Variants in FCER1A observed in about 807,000 individuals in gnomAD.
FCER1A encodes high affinity immunoglobulin epsilon receptor subunit alpha.
Under a neutral mutation model 23.6 loss-of-function variants are expected in FCER1A, and 24 were observed. The ratio of observed to expected loss-of-function variants is 1.02; its 90% CI spans 0.74 to 1.43. FCER1A has a LOEUF of 1.43. Ranked by LOEUF, FCER1A falls within the 40% of genes most tolerant of loss-of-function variation. The pLI is 0.00. For missense variants in FCER1A, 318 were observed against 294.5 expected, an observed-to-expected ratio of 1.08 and a Z score of -0.58; for synonymous variants, 121 against 108.8, an observed-to-expected ratio of 1.11 and a Z score of -0.70.
chr1:159,298,812 C>T (rs1652358355), upstream of FCER1A, among the ~76,000 whole-genome samples: 1 of 152,170 alleles, frequency 6.6e-6, no homozygotes, highest in African/African-American at 2.4e-5. Flanking sequence ...AGAAAGGGAA[C>T]TTATAGAACA....
chr1:159,307,732 CTG>C lies in FCER1A; in HGVS notation c.590-12_590-11del. On this transcript the variant is annotated splice_polypyrimidine_tract_variant and intron_variant, in intron 4 of 4. Coordinates refer to ENST00000693622, the MANE Select transcript of FCER1A (RefSeq NM_001387280.1). The stretch of plus-strand genomic sequence containing the variant: ...AGATGAATTATGTTTCTCATTGCAT[CTG>C]TGTTCCACTACAGCTCCGCGTGAGA... 1 of 1,559,578 alleles carries C rather than the reference CTG, an allele frequency of 6.4e-7. No individual in the cohort carries two copies. The highest frequency in any genetic ancestry group is 1.7e-4 in the Middle Eastern group (1 of 5,886).
intron 4 of FCER1A, 24 bp downstream of exon 4, chr1:159,306,269 A>G (rs761368735): frequency 7.5e-6 from 12 of 1,606,924 alleles, no homozygotes; most frequent in Non-Finnish European, 1.0e-5. Flanking sequence ...GGAAAGGAAA[A>G]GCATCCATAG....
At chr1:159,300,161 A>G (rs941469812), upstream of FCER1A, among the ~76,000 whole-genome samples, 2 of 152,152 alleles carry the variant, frequency 1.3e-5, no homozygotes, top group Non-Finnish European at 2.9e-5. Context: ...TTAGAAATGA[A>G]AGTGGCCTCC....
At position 159,304,058 on chromosome 1, in the gene FCER1A, C is replaced by A. The variant is rs776310454; in HGVS notation, c.207C>A (p.Ser69Arg). The A allele has an allele frequency of 7.4e-6, 12 of 1,613,980 alleles. No homozygotes were observed. The highest frequency in any genetic ancestry group is 2.2e-5 in the East Asian group (1 of 44,890). The change falls in exon 3 of 5, where the codon AGC (serine) becomes AGA (arginine). Residue 69 changes from serine to arginine, a missense_variant. Transcript: ENST00000693622. Reference protein sequence around the residue: ...VSSTKWFHNGSLSEETNSSLN... With the variant: ...VSSTKWFHNGRLSEETNSSLN... ...CCACCAAATGGTTCCACAATGGCAG[C>A]CTTTCAGAAGAGACAAATTCAAGTT...
At chr1:159,294,544 A>G (rs189931305) in intron 1 of FCER1A, among the ~76,000 whole-genome samples, 92 of 152,264 alleles carry the variant, frequency 6.0e-4, no homozygotes, top group Admixed American at 6.0e-3. Flanking sequence ...AACGTTAGTC[A>G]CAAGCTGTCA....
chr1:159,298,048 G>A (rs1163806179), upstream of FCER1A, among the ~76,000 whole-genome samples: 1 of 152,114 alleles, frequency 6.6e-6, no homozygotes, highest in Non-Finnish European at 1.5e-5. Flanking sequence ...TGGGCTTCTT[G>A]GCTGAAATAT....
In FCER1A at chr1:159,302,840, C is replaced by T; in HGVS notation, c.56-14C>T. 1 of 1,613,486 alleles carries T rather than the reference C, an allele frequency of 6.2e-7. No homozygotes were observed. On this transcript the variant is annotated splice_polypyrimidine_tract_variant and intron_variant, in intron 1 of 4. Transcript: ENST00000693622. ...ACTGCTGGACACTAATGTATCCTCT[C>T]TGGACTTTTGCAGCTCCAGATGGCG...
At chr1:159,298,020 G>A (rs1252087971), upstream of FCER1A, among the ~76,000 whole-genome samples, 1 of 152,132 alleles carries the variant, frequency 6.6e-6, no homozygotes, top group Admixed American at 6.5e-5. Flanking sequence ...AAGACATGAA[G>A]GTAAGTTTGA....
chr1:159,300,100 G>A (rs1047170265), upstream of FCER1A, among the ~76,000 whole-genome samples: 2 of 151,838 alleles, frequency 1.3e-5, no homozygotes, highest in South Asian at 2.1e-4. Context: ...TTTCAATACC[G>A]GGCACTTAAG....
intron 1 of FCER1A, among the ~76,000 whole-genome samples, chr1:159,292,431 A>C (rs1284854539): frequency 1.3e-5 from 2 of 152,108 alleles, no homozygotes; most frequent in Non-Finnish European, 2.9e-5. Flanking sequence ...GAAATTTAAG[A>C]ATCATATTTT....
Position 159,306,132 on chromosome 1 carries a change from A to G in FCER1A, c.476A>G (p.His159Arg). 6.2e-7 allele frequency: 1 copy of G among 1,614,178 alleles called. No individual in the cohort carries two copies. Among genetic ancestry groups the G allele is most frequent in the Non-Finnish European group, 8.5e-7 (1 of 1,180,020 alleles). ...GCTCTCAAGTACTGGTATGAGAACC[A>G]CAACATCTCCATTACAAATGCCACA... ...GEALKYWYENHNISITNATVE... is the reference protein window; with the variant it reads ...GEALKYWYENRNISITNATVE... The change falls in exon 4 of 5, where the codon CAC becomes CGC. Residue 159 changes from histidine to arginine, a missense_variant. Transcript: ENST00000693622.
chr1:159,291,477 C>T (rs1030914634), intron 1 of FCER1A, among the ~76,000 whole-genome samples: 3 of 152,066 alleles, frequency 2.0e-5, no homozygotes, highest in Non-Finnish European at 2.9e-5. Flanking sequence ...TTGCAGAATG[C>T]AAAACAATTT....
upstream of FCER1A, among the ~76,000 whole-genome samples, chr1:159,286,489 C>T (rs1287587590): frequency 3.9e-5 from 6 of 151,944 alleles, no homozygotes; most frequent in South Asian, 2.1e-4. Flanking sequence ...CCCGCCACCA[C>T]GCCCGGCTAA....
upstream of FCER1A, among the ~76,000 whole-genome samples, chr1:159,284,884 T>C (rs1211653044): frequency 1.3e-5 from 2 of 152,370 alleles, no homozygotes; most frequent in Non-Finnish European, 1.5e-5. Context: ...TCCTACATTA[T>C]AATTTTTAAA....
chr1:159,288,530 A>G (rs1020030345), upstream of FCER1A, among the ~76,000 whole-genome samples: 2 of 152,236 alleles, frequency 1.3e-5, no homozygotes, highest in African/African-American at 4.8e-5. Context: ...GTCAGTCTGC[A>G]CTGCAGAAGC....
At position 159,303,953 on chromosome 1, in the gene FCER1A, G is replaced by T; in HGVS notation, c.102G>T (p.Leu34Phe). The T allele has an allele frequency of 6.2e-7, 1 of 1,611,998 alleles. No homozygotes were observed. Among genetic ancestry groups the T allele is most frequent in the Middle Eastern group, 1.7e-4 (1 of 6,056 alleles). ...LAVPQKPKVSLNPPWNRIFKG... is the reference protein window; with the variant it reads ...LAVPQKPKVSFNPPWNRIFKG... Reference sequence around the variant, plus strand: ...TCCCTCAGAAACCTAAGGTCTCCTTGAACCCTCCATGGAATAGAATATTTA... The same window carrying T: ...TCCCTCAGAAACCTAAGGTCTCCTTTAACCCTCCATGGAATAGAATATTTA... The change falls in exon 3 of 5, where the codon TTG becomes TTT. Residue 34 changes from leucine to phenylalanine, a missense_variant. Transcript: ENST00000693622.
At chr1:159,284,674 T>C in the FCER1A span, among the ~76,000 whole-genome samples, 1 of 152,230 alleles carries the variant, frequency 6.6e-6, no homozygotes, top group African/African-American at 2.4e-5. Context: ...AATAGGTTTC[T>C]AATCTTTTAT....
At chr1:159,298,708 T>C (rs1250367021), upstream of FCER1A, among the ~76,000 whole-genome samples, 1 of 152,232 alleles carries the variant, frequency 6.6e-6, no homozygotes, top group Non-Finnish European at 1.5e-5. Context: ...CTCTCCTTTC[T>C]TCTTTTTAGG....
the FCER1A span, among the ~76,000 whole-genome samples, chr1:159,284,210 T>C: frequency 6.6e-6 from 1 of 152,098 alleles, no homozygotes; most frequent in South Asian, 2.1e-4. Context: ...CTACAGCAAA[T>C]TTCCTTGAGT....
Sources: allele counts gnomAD v4.1 joint callset (sites outside exome capture counted in the v4.1 genomes callset), GRCh38; gene constraint gnomAD v4.1.1; transcripts MANE v1.5; gene names NCBI Gene and HGNC (gene_info 2026-07-23, HGNC 2026-07-21).